Variants in DLG2 observed in about 807,000 individuals in gnomAD.
The protein encoded by DLG2 is disks large homolog 2.
A neutral mutation model predicts 132.5 loss-of-function variants in DLG2; 45 were observed. That is an observed-to-expected ratio of 0.34 (90% CI 0.27 to 0.44). The LOEUF (loss-of-function observed/expected upper bound fraction) is 0.44. Among genes scored for constraint, DLG2 ranks in the 20% least tolerant of loss-of-function variants. DLG2 has a pLI of 1.00. For missense variants in DLG2, 1,045 were observed against 1,196.9 expected, an observed-to-expected ratio of 0.87 and a Z score of 1.87; for synonymous variants, 424 against 419.6, an observed-to-expected ratio of 1.01 and a Z score of -0.13.
chr11:84,878,330 G>A (rs1466399611), intron 6 of DLG2, among the ~76,000 whole-genome samples: 1 of 152,142 alleles, frequency 6.6e-6, no homozygotes, highest in Non-Finnish European at 1.5e-5. Flanking sequence ...ATGATAGACT[G>A]GATAAAGAAA....
rs528078160 is a variant in DLG2 at position 84,195,400 on chromosome 11, G to A, written c.574-31889C>T. Among the ~76,000 whole-genome samples, 6 of 152,150 alleles carry A rather than the reference G, an allele frequency of 3.9e-5. No homozygotes were observed. In the South Asian group the frequency reaches 8.3e-4, roughly 21 times the overall value. Reference sequence around the variant, plus strand: ...AGGATGGTCTCAATCTCTTGACCTCGTGATCCACCTGCCTCAGCCTCCCAA... The same window carrying A: ...AGGATGGTCTCAATCTCTTGACCTCATGATCCACCTGCCTCAGCCTCCCAA... On this transcript the variant is annotated intron_variant, in intron 8 of 27. Transcript: ENST00000376104.
intron 8 of DLG2, among the ~76,000 whole-genome samples, chr11:84,208,271 T>C (rs910767431): frequency 6.6e-6 from 1 of 151,950 alleles, no homozygotes; most frequent in African/African-American, 2.4e-5. Context: ...CCGACTTTGG[T>C]GCACTCTCTC....
intron 6 of DLG2, among the ~76,000 whole-genome samples, chr11:84,597,974 GTTTTTC>G (rs2099567815): frequency 6.6e-6 from 1 of 152,146 alleles, no homozygotes; most frequent in Admixed American, 6.5e-5. Context: ...ATCAATCTAT[GTTTTTC>G]TTTTCATATT....
At chr11:84,508,844 A>G (rs965356617) in intron 7 of DLG2, among the ~76,000 whole-genome samples, 1 of 152,206 alleles carries the variant, frequency 6.6e-6, no homozygotes, top group African/African-American at 2.4e-5. Flanking sequence ...TGTTTTATTC[A>G]TCATTGTACC....
At chr11:85,068,822 A>C (rs1344351374) in intron 6 of DLG2, among the ~76,000 whole-genome samples, 5 of 152,180 alleles carry the variant, frequency 3.3e-5, no homozygotes, top group African/African-American at 1.2e-4. Context: ...ATATGGAACC[A>C]AAAAAGAGAC....
At chr11:83,499,249 G>A (rs942307173) in intron 21 of DLG2, among the ~76,000 whole-genome samples, 5 of 152,088 alleles carry the variant, frequency 3.3e-5, no homozygotes, top group East Asian at 1.9e-4. Context: ...AAGATATCAC[G>A]AGAAAAGAAG....
intron 7 of DLG2, among the ~76,000 whole-genome samples, chr11:84,302,051 A>T (rs2098161714): frequency 6.6e-6 from 1 of 152,182 alleles, no homozygotes; most frequent in African/African-American, 2.4e-5. Flanking sequence ...CTTTGCAGGG[A>T]CATGGATGAA....
chr11:83,571,578 G>GC (rs2096797053), intron 19 of DLG2, among the ~76,000 whole-genome samples: 1 of 137,604 alleles, frequency 7.3e-6, no homozygotes, highest in Admixed American at 7.8e-5. Flanking sequence ...TGTTATTCGA[G>GC]CGAGACTCCG....
chr11:84,355,940 G>T (rs552686322), intron 7 of DLG2, among the ~76,000 whole-genome samples: 3 of 152,150 alleles, frequency 2.0e-5, no homozygotes, highest in South Asian at 4.2e-4. Context: ...ACAGAATCCT[G>T]TTGAATTATC....
chr11:85,008,727 G>A (rs2058906845), intron 6 of DLG2, among the ~76,000 whole-genome samples: 1 of 151,962 alleles, frequency 6.6e-6, no homozygotes, highest in African/African-American at 2.4e-5. Context: ...TCAAAGTCTT[G>A]TAGACACTGT....
chr11:83,825,150 CACATAT>C lies in DLG2; in HGVS notation c.1722+8458_1722+8463del, dbSNP rs1555012355. On this transcript the variant is annotated intron_variant, in intron 17 of 27. Coordinates refer to ENST00000376104, the MANE Select transcript of DLG2 (RefSeq NM_001142699.3). ...ATATATATACACACACACACACACA[CACATAT>C]ATATATATATATATATTTTTTTTTT... is the stretch of plus-strand genomic sequence containing the variant. 2.8e-3 allele frequency among the ~76,000 whole-genome samples: 224 copies of C among 80,284 alleles called. 2 individuals carry two copies. The highest frequency in any genetic ancestry group is 0.01 in the African/African-American group (215 of 21,418). 52.7% of individuals were successfully genotyped at this position (80,284 alleles called of 152,430 possible).
At chr11:85,298,086 G>A (rs183275180) in intron 3 of DLG2, among the ~76,000 whole-genome samples, 3 of 152,108 alleles carry the variant, frequency 2.0e-5, no homozygotes, top group African/African-American at 7.2e-5. Flanking sequence ...TGGTGAGGAG[G>A]GTATCTGTGC....
chr11:84,588,535 C>T (rs1490984360), intron 6 of DLG2, among the ~76,000 whole-genome samples: 1 of 152,102 alleles, frequency 6.6e-6, no homozygotes, highest in African/African-American at 2.4e-5. Context: ...AGTTTACGGA[C>T]TCTGAAGCCC....
rs574098945 is a variant in DLG2 at position 85,402,837 on chromosome 11, A to G, written c.41-117472T>C. On this transcript the variant is annotated intron_variant, in intron 3 of 27. Transcript: ENST00000376104. ...GAATGTCGATCATTAAAAAGTCAGT[A>G]AACAAGAGATGCTGGAGAGGATGTG... Among the ~76,000 whole-genome samples the G allele has an allele frequency of 2.0e-5, 3 of 152,268 alleles. No homozygotes were observed. The East Asian group carries it at 5.8e-4, about 29-fold the overall frequency.
chr11:83,985,719 G>A (rs1248403233), intron 11 of DLG2, among the ~76,000 whole-genome samples: 1 of 151,986 alleles, frequency 6.6e-6, no homozygotes, highest in African/African-American at 2.4e-5. Context: ...AGTATTCCAT[G>A]GTGTATATGA....
At chr11:83,846,681 T>G (rs2154024668) in intron 16 of DLG2, among the ~76,000 whole-genome samples, 1 of 152,250 alleles carries the variant, frequency 6.6e-6, no homozygotes, top group East Asian at 1.9e-4. Flanking sequence ...TATAACAACC[T>G]TGGTAAATGG....
chr11:84,813,064 A>T (rs2076737124), intron 6 of DLG2, among the ~76,000 whole-genome samples: 1 of 152,142 alleles, frequency 6.6e-6, no homozygotes, highest in Admixed American at 6.6e-5. Context: ...ATCCTTAAAA[A>T]GGCTTCTAGA....
At chr11:84,667,478 GTT>G (rs1333213584) in intron 6 of DLG2, among the ~76,000 whole-genome samples, 64 of 91,408 alleles carry the variant, frequency 7.0e-4, no homozygotes, top group East Asian at 3.8e-3. Flanking sequence ...GTTTTTTTTT[GTT>G]TTTGTTTTTT....
At chr11:83,512,510 A>C (rs1311349631) in intron 21 of DLG2, among the ~76,000 whole-genome samples, 4 of 152,090 alleles carry the variant, frequency 2.6e-5, no homozygotes, top group Non-Finnish European at 5.9e-5. Context: ...ATTTTTATTT[A>C]ATTATTGCAT....
Sources: allele counts gnomAD v4.1 joint callset (sites outside exome capture counted in the v4.1 genomes callset), GRCh38; gene constraint gnomAD v4.1.1; transcripts MANE v1.5; gene names NCBI Gene and HGNC (gene_info 2026-07-23, HGNC 2026-07-21).